The following TEX9 variants were observed in gnomAD, a reference collection of about 807,000 sequenced individuals.
TEX9 encodes the protein testis-expressed protein 9.
TEX9 carries 74 observed loss-of-function variants against 59.6 expected under a neutral mutation model. That is an observed-to-expected ratio of 1.24 (90% CI 1.03 to 1.51). The LOEUF is 1.51. TEX9 is among the 40% of genes most tolerant of loss of function. TEX9 has a pLI of 0.00. For missense variants in TEX9, 522 were observed against 447.8 expected (o/e 1.17, Z -1.49); for synonymous variants, 186 against 152.2 (o/e 1.22, Z -1.64).
chr15:56,267,319 C>G (rs1435744118), intron 1 of TEX9, among the ~76,000 whole-genome samples: 1 of 152,172 alleles, frequency 6.6e-6, no homozygotes, highest in Non-Finnish European at 1.5e-5. Context: ...TGTGCAGAAG[C>G]TCTTTAGTTT....
At chr15:56,369,447 A>G (rs766995540) in intron 2 of TEX9, among the ~76,000 whole-genome samples, 4 of 151,072 alleles carry the variant, frequency 2.6e-5, no homozygotes, top group African/African-American at 7.3e-5. Context: ...TTCATCTCCC[A>G]GGCTCCTGAG....
chr15:56,274,366 G>A (rs1026375997), intron 1 of TEX9, among the ~76,000 whole-genome samples: 7 of 152,056 alleles, frequency 4.6e-5, no homozygotes, highest in African/African-American at 1.2e-4. Flanking sequence ...TTTTGTGCAT[G>A]TTGTTAATTT....
intron 1 of TEX9, among the ~76,000 whole-genome samples, chr15:56,317,266 C>G (rs560438327): frequency 6.6e-6 from 1 of 152,314 alleles, no homozygotes; most frequent in African/African-American, 2.4e-5. Flanking sequence ...GTCAAATTGA[C>G]CAGTTTGTCT....
intron 12 of TEX9, chr15:56,434,281 T>G: frequency 6.2e-7 from 1 of 1,614,006 alleles, no homozygotes; most frequent in South Asian, 1.1e-5. Context: ...ATAGTTTTTC[T>G]AAAGTTCTCC....
At chr15:56,287,620 C>G (rs549192500) in intron 1 of TEX9, among the ~76,000 whole-genome samples, 5 of 152,174 alleles carry the variant, frequency 3.3e-5, no homozygotes, top group African/African-American at 1.2e-4. Context: ...TAATAGATCT[C>G]TTAAACTTAT....
At chr15:56,351,199 G>A (rs1460903432) in intron 1 of TEX9, among the ~76,000 whole-genome samples, 1 of 152,148 alleles carries the variant, frequency 6.6e-6, no homozygotes, top group Non-Finnish European at 1.5e-5. Context: ...CAATACACAA[G>A]AAATGTGTAG....
chr15:56,453,003 A>T, the TEX9 span, among the ~76,000 whole-genome samples: 7 of 152,150 alleles, frequency 4.6e-5, no homozygotes, highest in Non-Finnish European at 8.8e-5. Flanking sequence ...GGAATAATCA[A>T]TTCCTATTAT....
At chr15:56,423,117 A>G (rs1329066967) in intron 10 of TEX9, among the ~76,000 whole-genome samples, 1 of 152,310 alleles carries the variant, frequency 6.6e-6, no homozygotes, top group South Asian at 2.1e-4. Context: ...AAGGGTATAC[A>G]GATATCAATG....
intron 10 of TEX9, among the ~76,000 whole-genome samples, chr15:56,423,465 G>A (rs2050083832): frequency 6.6e-6 from 1 of 152,090 alleles, no homozygotes; most frequent in African/African-American, 2.4e-5. Flanking sequence ...AAAATGTGGG[G>A]AATGTTCCAT....
chr15:56,401,390 G>C lies in TEX9; in HGVS notation c.828+6556G>C, dbSNP rs182816947. 6.9e-4 allele frequency among the ~76,000 whole-genome samples: 98 copies of C among 142,208 alleles called. 1 individual carries two copies. The highest frequency in any genetic ancestry group is 2.5e-3 in the African/African-American group (93 of 37,902). 93.3% of individuals were successfully genotyped at this position (142,208 alleles called of 152,430 possible). On this transcript the variant is annotated intron_variant, in intron 9 of 12. Coordinates refer to ENST00000352903, the Ensembl canonical transcript of TEX9. ...GACTTTAAACCAACAAAGATCAAAA[G>C]AGAAAAGGCCATTACATAATGGTAA...
intron 1 of TEX9, among the ~76,000 whole-genome samples, chr15:56,334,411 G>C (rs1213081144): frequency 6.6e-6 from 1 of 152,096 alleles, no homozygotes; most frequent in African/African-American, 2.4e-5. Context: ...AGTAAGGAGA[G>C]AACAGTCTCT....
chr15:56,426,788 A>G (rs2140281132), intron 10 of TEX9, among the ~76,000 whole-genome samples: 1 of 151,392 alleles, frequency 6.6e-6, no homozygotes, highest in East Asian at 1.9e-4. Context: ...TTTCAAGTAT[A>G]GATCTTCCTA....
At chr15:56,441,396 T>C (rs1406395834) in intron 12 of TEX9, among the ~76,000 whole-genome samples, 1 of 152,138 alleles carries the variant, frequency 6.6e-6, no homozygotes, top group Non-Finnish European at 1.5e-5. Flanking sequence ...TCAGGTCAAG[T>C]TTATTGATAT....
chr15:56,282,913 A>G (rs1423985560), intron 1 of TEX9, among the ~76,000 whole-genome samples: 2 of 152,184 alleles, frequency 1.3e-5, no homozygotes, highest in African/African-American at 4.8e-5. Context: ...TTTATTCTGG[A>G]TAAAGAAACT....
At chr15:56,415,563 C>T (rs1012011547) in intron 10 of TEX9, among the ~76,000 whole-genome samples, 3 of 151,778 alleles carry the variant, frequency 2.0e-5, no homozygotes, top group Non-Finnish European at 2.9e-5. Flanking sequence ...TTTATGGGCC[C>T]TCTACTCTGT....
At position 56,323,395 on chromosome 15, in the gene TEX9, C is replaced by G. The variant is rs182110936; in HGVS notation, c.-106-50046C>G. 22 of 157,000 alleles carry G rather than the reference C, an allele frequency of 1.4e-4. No individual in the cohort carries two copies. The Admixed American group carries it at 1.4e-3, about 10-fold the overall frequency. 9.7% of individuals were successfully genotyped at this position (157,000 alleles called of 1,614,324 possible). On this transcript the variant is annotated intron_variant, in intron 1 of 5. Coordinates refer to the TEX9 transcript ENST00000560827. ...ACTCTATGTATCTGAGAGCCTCCTT[C>G]GGCTTTTTTTCTTGTTCTGTTCTGA...
At chr15:56,459,058 A>G in the TEX9 span, among the ~76,000 whole-genome samples, 1 of 152,352 alleles carries the variant, frequency 6.6e-6, no homozygotes, top group African/African-American at 2.4e-5. Flanking sequence ...ACACTCCAGA[A>G]TGTTTACATC....
At chr15:56,333,169 G>A (rs1221780242) in intron 1 of TEX9, among the ~76,000 whole-genome samples, 3 of 152,010 alleles carry the variant, frequency 2.0e-5, no homozygotes, top group Admixed American at 2.0e-4. Context: ...CATTCTATGA[G>A]GACAGTGTTA....
chr15:56,278,531 T>G (rs1158083334), intron 1 of TEX9, among the ~76,000 whole-genome samples: 3 of 152,246 alleles, frequency 2.0e-5, no homozygotes, highest in Non-Finnish European at 4.4e-5. Flanking sequence ...TTTCTTTCCT[T>G]GGGAAATTTT....
Sources: gnomAD v4.1 joint callset for allele counts (sites outside exome capture counted in the v4.1 genomes callset) on GRCh38, gnomAD v4.1.1 for gene constraint, MANE v1.5 for transcripts, NCBI Gene and HGNC (gene_info 2026-07-23, HGNC 2026-07-21) for gene names.